The following RRP15 variants were observed in gnomAD, a reference collection of about 807,000 sequenced individuals.
RRP15 encodes RRP15-like protein.
A neutral mutation model predicts 27.1 loss-of-function variants in RRP15; 18 were observed. That is an observed-to-expected ratio of 0.66 (90% confidence interval 0.46 to 0.98). The LOEUF (loss-of-function observed/expected upper bound fraction) is 0.98. RRP15 is among the 50% of genes least tolerant of loss of function. The pLI is 0.00. For synonymous variants in RRP15, 107 were observed against 109.4 expected (o/e 0.98, Z 0.14); for missense variants, 359 against 337.8 (o/e 1.06, Z -0.49).
rs1183519867 is a variant in RRP15, at chr1:218,337,317, T to C, written c.*6226T>C. The stretch of plus-strand genomic sequence containing the variant: ...AAGTCTAACAGGTGGTAGGTGCTTA[T>C]TGAGGCCCAGCAATTCTACTTCTGG... On this transcript the variant is annotated 3_prime_UTR_variant, in exon 5 of 5. Coordinates refer to ENST00000366932, the MANE Select transcript of RRP15 (RefSeq NM_016052.4). 2.0e-5 allele frequency: 3 copies of C among 152,172 alleles called. No individual in the cohort carries two copies. Among genetic ancestry groups the C allele is most frequent in the Non-Finnish European group, 4.4e-5 (3 of 68,020 alleles). The allele number at this position is 152,172 out of a possible 1,614,324, so 9.4% of individuals were successfully genotyped here. A position where few individuals can be genotyped will look rare whatever the true frequency, so the allele number is the denominator to read the frequency against.
chr1:218,307,575 G>T lies in RRP15; in HGVS notation c.648G>T (p.Gly216=). Residue 216 remains glycine, a synonymous_variant, in exon 4 of 5, where the codon GGG becomes GGT. Transcript: ENST00000366932. Reference sequence around the variant, plus strand: ...AAGATTTCATCAGTGTTTTGAGAGGGATGGATGGAAGTACAAATGAGACTG... The same window carrying T: ...AAGATTTCATCAGTGTTTTGAGAGGTATGGATGGAAGTACAAATGAGACTG... ...SKKDFISVLR[G]MDGSTNETAS... is the part of the protein sequence containing the mutation. 6.2e-7 allele frequency: 1 copy of T among 1,613,964 alleles called. No individual in the cohort carries two copies. The highest frequency in any genetic ancestry group is 1.1e-5 in the South Asian group (1 of 91,074).
In RRP15 at chr1:218,287,142, CTTTTTTTTTTTTT is replaced by C. The variant is rs1214536139; in HGVS notation, c.139+1693_139+1705del. Among the ~76,000 whole-genome samples, 6 of 111,406 alleles carry C rather than the reference CTTTTTTTTTTTTT, an allele frequency of 5.4e-5. 1 individual carries two copies. Among genetic ancestry groups the C allele is most frequent in the African/African-American group, 2.0e-4 (6 of 30,178 alleles). The allele number at this position is 111,406 out of a possible 152,430, so 73.1% of individuals were successfully genotyped here. ...ACTGTACCTGGCTAATTTTTTTTTTCTTTTTTTTTTTTTTTTTTGGTAGAGATGGGATTTTGCC... is the reference window on the plus strand; with the variant it reads ...ACTGTACCTGGCTAATTTTTTTTTTCTTTTTGGTAGAGATGGGATTTTGCC... On this transcript the variant is annotated intron_variant, in intron 1 of 4. Coordinates refer to ENST00000366932, the MANE Select transcript of RRP15 (RefSeq NM_016052.4).
intron 1 of RRP15, among the ~76,000 whole-genome samples, chr1:218,287,563 T>G (rs1276461059): frequency 1.3e-5 from 2 of 152,190 alleles, no homozygotes; most frequent in Non-Finnish European, 2.9e-5. Flanking sequence ...TTAGGAAAGA[T>G]ATTAAACACA....
chr1:218,311,697 G>A (rs1655998606), intron 4 of RRP15, among the ~76,000 whole-genome samples: 1 of 152,106 alleles, frequency 6.6e-6, no homozygotes, highest in East Asian at 1.9e-4. Context: ...TGTTTTTTCG[G>A]ACTAAACGTC....
intron 2 of RRP15, among the ~76,000 whole-genome samples, chr1:218,304,494 G>T (rs905547566): frequency 6.6e-6 from 1 of 152,222 alleles, no homozygotes; most frequent in Non-Finnish European, 1.5e-5. Context: ...CTATTGGTCA[G>T]ATATGCTACG....
At chr1:218,287,109 C>T (rs1374458277) in intron 1 of RRP15, among the ~76,000 whole-genome samples, 1 of 150,062 alleles carries the variant, frequency 6.7e-6, no homozygotes, top group African/African-American at 2.5e-5. Flanking sequence ...GGACTACAGG[C>T]GCATACCACT....
chr1:218,294,901 GT>G (rs1371201327), intron 1 of RRP15, among the ~76,000 whole-genome samples: 1 of 152,148 alleles, frequency 6.6e-6, no homozygotes, highest in African/African-American at 2.4e-5. Flanking sequence ...GATTTTAGGA[GT>G]TGACCAAATA....
chr1:218,299,385 G>A (rs1382702552), intron 1 of RRP15, among the ~76,000 whole-genome samples: 2 of 152,074 alleles, frequency 1.3e-5, no homozygotes, highest in Admixed American at 6.6e-5. Flanking sequence ...GATTTATTGT[G>A]TGTTCATATT....
In RRP15 at chr1:218,331,651, C is replaced by CTTTTTT. The variant is rs34150523; in HGVS notation, c.*594_*599dup. On this transcript the variant is annotated 3_prime_UTR_variant, in exon 5 of 5. Coordinates refer to ENST00000366932, the MANE Select transcript of RRP15 (RefSeq NM_016052.4). ...TGATTTAAGAAACAACAGATTTCAA[C>CTTTTTT]TTTTTTTTTTTTTTTTTTTTTTTTT... The CTTTTTT allele has an allele frequency of 1.1e-3, 41 of 35,654 alleles. 7 individuals carry two copies. Among genetic ancestry groups the CTTTTTT allele is most frequent in the Non-Finnish European group, 1.8e-3 (31 of 17,534 alleles). 2.2% of individuals were successfully genotyped at this position (35,654 alleles called of 1,614,324 possible). A position where few individuals can be genotyped will look rare whatever the true frequency, so the allele number is the denominator to read the frequency against.
chr1:218,310,529 A>G (rs1341598690), intron 4 of RRP15, among the ~76,000 whole-genome samples: 1 of 152,234 alleles, frequency 6.6e-6, no homozygotes, highest in African/African-American at 2.4e-5. Flanking sequence ...CATAGGTTAT[A>G]TACATTGAGC....
In RRP15 at chr1:218,307,479, T is replaced by G. The variant is rs1281444023; in HGVS notation, c.552T>G (p.Val184=). Residue 184 remains valine (V), a synonymous_variant, in exon 4 of 5, where the codon GTT becomes GTG. Coordinates refer to ENST00000366932, the MANE Select transcript of RRP15 (RefSeq NM_016052.4). ...FNAVQKHQKN[V]DEKVKEAGSS... ...CTGTTCAGAAACATCAAAAGAATGT[T>G]GATGAAAAGGTTAAGGAAGCTGGAA... 4.3e-6 allele frequency: 7 copies of G among 1,614,010 alleles called. No individual in the cohort carries two copies. Among genetic ancestry groups the G allele is most frequent in the Non-Finnish European group, 5.9e-6 (7 of 1,179,974 alleles).
chr1:218,307,777 A>T, intron 4 of RRP15, 145 bp downstream of exon 4: 3 of 631,690 alleles, frequency 4.7e-6, no homozygotes, highest in Non-Finnish European at 8.2e-6. Context: ...CAACCTTTAG[A>T]GATAGGGCTT....
intron 3 of RRP15, among the ~76,000 whole-genome samples, chr1:218,305,620 T>TA (rs1655887501): frequency 1.3e-5 from 2 of 152,214 alleles, no homozygotes; most frequent in African/African-American, 4.8e-5. Flanking sequence ...CTGTAGGAAT[T>TA]ACAGTCTCTT....
Position 218,331,081 on chromosome 1 carries a change from C to T in RRP15, c.839C>T (p.Ser280Phe), listed in dbSNP as rs1236928043. The T allele has an allele frequency of 6.2e-7, 1 of 1,610,754 alleles. No homozygotes were observed. The highest frequency in any genetic ancestry group is 1.7e-5 in the Admixed American group (1 of 59,786). ...DDSRPESASDSDT is the reference protein window; with the variant it reads ...DDSRPESASDFDT Reference sequence around the variant, plus strand: ...AGCAGACCAGAATCTGCAAGTGACTCTGATACATAAAGCATCATAGGAAAT... The same window carrying T: ...AGCAGACCAGAATCTGCAAGTGACTTTGATACATAAAGCATCATAGGAAAT... Residue 280 changes from serine to phenylalanine, a missense_variant, in exon 5 of 5, where the codon TCT becomes TTT. Ser to Phe is a radical substitution (Grantham distance 155). Transcript: ENST00000366932.
At chr1:218,313,978 TTTTA>T (rs1274232632) in intron 4 of RRP15, among the ~76,000 whole-genome samples, 37 of 51,884 alleles carry the variant, frequency 7.1e-4, no homozygotes, top group African/African-American at 4.2e-3. Context: ...GTGATTTTTA[TTTTA>T]TTTTATTTTA....
At chr1:218,303,853 G>A (rs1655852110) in intron 2 of RRP15, among the ~76,000 whole-genome samples, 1 of 152,112 alleles carries the variant, frequency 6.6e-6, no homozygotes, top group Admixed American at 6.5e-5. Flanking sequence ...AACTATTATG[G>A]TTTTCCAATA....
intron 4 of RRP15, among the ~76,000 whole-genome samples, chr1:218,312,652 G>C (rs529099476): frequency 6.6e-6 from 1 of 152,128 alleles, no homozygotes; most frequent in Admixed American, 6.5e-5. Context: ...GCTGTTCTGG[G>C]TGGTACATAT....
intron 1 of RRP15, among the ~76,000 whole-genome samples, chr1:218,290,848 G>A (rs912886962): frequency 3.3e-5 from 5 of 152,144 alleles, no homozygotes; most frequent in Non-Finnish European, 4.4e-5. Flanking sequence ...ATTTTCCTTG[G>A]CCACATGCGG....
At chr1:218,328,608 A>G (rs1182902916) in intron 4 of RRP15, among the ~76,000 whole-genome samples, 2 of 151,904 alleles carry the variant, frequency 1.3e-5, no homozygotes, top group Non-Finnish European at 2.9e-5. Context: ...GCTTGCAGTG[A>G]GCCGAGATTG....
Sources: gnomAD v4.1 joint callset for allele counts (sites outside exome capture counted in the v4.1 genomes callset) on GRCh38, gnomAD v4.1.1 for gene constraint, MANE v1.5 for transcripts, NCBI Gene and HGNC (gene_info 2026-07-23, HGNC 2026-07-21) for gene names.